The following NCOA3 variants were observed in gnomAD, a reference collection of about 807,000 sequenced individuals.
The protein encoded by NCOA3 is nuclear receptor coactivator 3.
In NCOA3, 51 loss-of-function variants were observed where a neutral mutation model predicts 158.8. That is an observed-to-expected ratio of 0.32 (90% CI 0.26 to 0.41). The LOEUF is 0.41. Among genes scored for constraint, NCOA3 ranks in the 10% least tolerant of loss-of-function variants. The probability of loss-of-function intolerance (pLI) is 1.00; values close to 1 mark genes in which losing one functional copy is unlikely to be tolerated. For synonymous variants in NCOA3, 537 were observed against 592.4 expected, an observed-to-expected ratio of 0.91 and a Z score of 1.36; for missense variants, 1,510 against 1,746.6, an observed-to-expected ratio of 0.86 and a Z score of 2.41.
At position 47,639,909 on chromosome 20, in the gene NCOA3, C is replaced by CT. The variant is rs777047744; in HGVS notation, c.2954-11dup. On this transcript the variant is annotated splice_polypyrimidine_tract_variant and intron_variant, in intron 15 of 22. Coordinates refer to ENST00000371998, the MANE Select transcript of NCOA3 (RefSeq NM_181659.3). ...GCTCTTATTTGAGAATTTGTGCTTT[C>CT]TTTTTGCTCCCCCAGGGCCTGGTGA... The CT allele has an allele frequency of 6.2e-7, 1 of 1,613,734 alleles. No individual in the cohort carries two copies. The highest frequency in any genetic ancestry group is 1.3e-5 in the African/African-American group (1 of 74,996).
chr20:47,518,766 C>T (rs536266605), intron 1 of NCOA3, among the ~76,000 whole-genome samples: 2 of 152,200 alleles, frequency 1.3e-5, no homozygotes, highest in Admixed American at 1.3e-4. Context: ...TACTCCTTAC[C>T]TTCAAGAAAT....
chr20:47,515,964 C>G (rs2084227472), intron 1 of NCOA3, among the ~76,000 whole-genome samples: 1 of 152,152 alleles, frequency 6.6e-6, no homozygotes, highest in Admixed American at 6.5e-5. Flanking sequence ...GTGATTCTAA[C>G]TATGTGACAT....
intron 1 of NCOA3, among the ~76,000 whole-genome samples, chr20:47,558,233 T>C (rs1413208544): frequency 3.5e-5 from 1 of 28,638 alleles, no homozygotes; most frequent in South Asian, 9.2e-4. Context: ...TAATTTTGTA[T>C]TTTTTTTTTT....
chr20:47,593,430 C>T (rs979287051), intron 2 of NCOA3, among the ~76,000 whole-genome samples: 16 of 149,368 alleles, frequency 1.1e-4, no homozygotes, highest in Non-Finnish European at 2.2e-4. Flanking sequence ...CAAGCTCCAC[C>T]TCCCGGGTTC....
At chr20:47,502,397 C>G (rs1446296417) in intron 1 of NCOA3, among the ~76,000 whole-genome samples, 2 of 152,128 alleles carry the variant, frequency 1.3e-5, no homozygotes, top group Non-Finnish European at 2.9e-5. Context: ...TGAAAGCTCC[C>G]CGCGTCGTCC....
intron 1 of NCOA3, among the ~76,000 whole-genome samples, chr20:47,547,070 TA>T (rs1479012031): frequency 6.6e-6 from 1 of 152,222 alleles, no homozygotes; most frequent in African/African-American, 2.4e-5. Flanking sequence ...CTTATAGCAC[TA>T]ATGCTCTAAT....
chr20:47,639,412 T>C (rs1165954578), intron 14 of NCOA3, among the ~76,000 whole-genome samples, 165 bp from the exon 15 acceptor site: 3 of 152,250 alleles, frequency 2.0e-5, no homozygotes, highest in Non-Finnish European at 4.4e-5. Context: ...CTGTTGAATA[T>C]ATGAGAATAG....
intron 2 of NCOA3, among the ~76,000 whole-genome samples, chr20:47,608,268 G>A (rs1327356422): frequency 1.3e-5 from 2 of 151,984 alleles, no homozygotes; most frequent in East Asian, 1.9e-4. Context: ...TCAAGATTGC[G>A]GCATTGCACT....
intron 2 of NCOA3, among the ~76,000 whole-genome samples, chr20:47,601,298 A>T (rs2085857940): frequency 6.6e-6 from 1 of 152,208 alleles, no homozygotes; most frequent in South Asian, 2.1e-4. Context: ...AATCCATCTT[A>T]ACGACTTACT....
chr20:47,598,582 C>T (rs1375795190), intron 2 of NCOA3, among the ~76,000 whole-genome samples: 1 of 152,176 alleles, frequency 6.6e-6, no homozygotes, highest in Non-Finnish European at 1.5e-5. Flanking sequence ...AGTGATCCTC[C>T]TGCCTTGGCC....
At chr20:47,522,402 G>C (rs1008290363) in intron 1 of NCOA3, among the ~76,000 whole-genome samples, 5 of 143,646 alleles carry the variant, frequency 3.5e-5, no homozygotes, top group Non-Finnish European at 5.9e-5. Flanking sequence ...CACAGCGCCC[G>C]GCCCTTTTTT....
At chr20:47,625,341 G>A in intron 4 of NCOA3, 40 bp from the exon 5 acceptor site, 1 of 1,343,050 alleles carries the variant, frequency 7.4e-7, no homozygotes, top group East Asian at 2.3e-5. Context: ...ATCTATAACT[G>A]ATAGTGTGTT....
chr20:47,525,866 T>C (rs368536511), intron 1 of NCOA3, among the ~76,000 whole-genome samples: 39 of 7,748 alleles, frequency 5.0e-3, no homozygotes, highest in Non-Finnish European at 6.5e-3. Flanking sequence ...ACTTCCCGGA[T>C]GGGGCGGCTG....
At chr20:47,586,324 C>T (rs2146228456) in intron 2 of NCOA3, among the ~76,000 whole-genome samples, 1 of 152,252 alleles carries the variant, frequency 6.6e-6, no homozygotes, top group African/African-American at 2.4e-5. Context: ...GACTTACCCA[C>T]TTGCTTATTT....
In NCOA3 at chr20:47,647,154, G is replaced by A; in HGVS notation, c.3334G>A (p.Gly1112Arg). 1 of 1,614,094 alleles carries A rather than the reference G, an allele frequency of 6.2e-7. No homozygotes were observed. The change falls in exon 18 of 23, where the codon GGA becomes AGA. Residue 1112 changes from glycine (G) to arginine (R), a missense_variant. Physicochemically the swap from Gly to Arg is moderately radical, Grantham distance 125. Transcript: ENST00000371998. ...VMMDQKAGLY[G>R]QTYPAQGPPM... ...GATGGATCAGAAGGCAGGATTATAT[G>A]GACAGACATACCCAGCACAGGGGCC...
At chr20:47,551,000 T>C (rs2084920142) in intron 1 of NCOA3, among the ~76,000 whole-genome samples, 3 of 152,212 alleles carry the variant, frequency 2.0e-5, no homozygotes, top group African/African-American at 7.2e-5. Context: ...TCAGTTTATA[T>C]ATCTTTTTTC....
At chr20:47,585,662 T>C (rs1347705069) in intron 2 of NCOA3, among the ~76,000 whole-genome samples, 1 of 152,218 alleles carries the variant, frequency 6.6e-6, no homozygotes, top group Non-Finnish European at 1.5e-5. Flanking sequence ...ACTGCTTCCT[T>C]GTCCACTCAC....
intron 1 of NCOA3, among the ~76,000 whole-genome samples, chr20:47,540,314 T>G (rs976996838): frequency 6.6e-6 from 1 of 152,052 alleles, no homozygotes. Flanking sequence ...TGGCTTACAC[T>G]TGTAATCCCA....
chr20:47,610,684 G>A lies in NCOA3; in HGVS notation c.-19-11545G>A, dbSNP rs138572027. Among the ~76,000 whole-genome samples, 64 of 152,288 alleles carry A rather than the reference G, an allele frequency of 4.2e-4. No individual in the cohort carries two copies. In the East Asian group the frequency reaches 0.011, roughly 26 times the overall value. ...TCTTGTGAGTCAGACTTGCCGTGTC[G>A]TGTTGCTAGAGTTACAGATCTGCTC... is the stretch of plus-strand genomic sequence containing the variant. On this transcript the variant is annotated intron_variant, in intron 2 of 22. Coordinates refer to ENST00000371998, the MANE Select transcript of NCOA3 (RefSeq NM_181659.3).
Sources: gnomAD v4.1 joint callset for allele counts (sites outside exome capture counted in the v4.1 genomes callset) on GRCh38, gnomAD v4.1.1 for gene constraint, MANE v1.5 for transcripts, NCBI Gene and HGNC (gene_info 2026-07-23, HGNC 2026-07-21) for gene names.